Variants in PCDH9 observed in about 807,000 individuals in gnomAD.
PCDH9 encodes the protein protocadherin-9.
In PCDH9, 24 loss-of-function variants were observed where a neutral mutation model predicts 70.6. The observed-to-expected ratio is 0.34, with a 90% CI of 0.25 to 0.48. The LOEUF is 0.48. PCDH9 is among the 20% of genes least tolerant of loss of function. The pLI is 0.99. For missense variants in PCDH9, 1,281 were observed against 1,503.6 expected (o/e 0.85, Z 2.45); for synonymous variants, 562 against 558.5 (o/e 1.01, Z -0.09).
chr13:66,827,746 C>T (rs764891176), intron 3 of PCDH9, among the ~76,000 whole-genome samples: 13 of 152,120 alleles, frequency 8.5e-5, no homozygotes, highest in South Asian at 2.1e-4. Context: ...ATTTTGCCCA[C>T]GATCAACTGT....
intron 4 of PCDH9, among the ~76,000 whole-genome samples, chr13:66,610,072 C>T (rs529327121): frequency 2.2e-4 from 33 of 151,750 alleles, no homozygotes; most frequent in African/African-American, 7.0e-4. Flanking sequence ...ATTCTCCTGC[C>T]TCAGCCTCCT....
In PCDH9 at chr13:66,760,648, A is replaced by G. The variant is rs568295813; in HGVS notation, c.3139-129237T>C. 3.3e-5 allele frequency among the ~76,000 whole-genome samples: 5 copies of G among 152,312 alleles called. No homozygotes were observed. In the East Asian group the frequency reaches 9.6e-4, roughly 29 times the overall value. On this transcript the variant is annotated intron_variant, in intron 3 of 4. Coordinates refer to ENST00000377865, the MANE Select transcript of PCDH9 (RefSeq NM_203487.3). Reference sequence around the variant, plus strand: ...AGGCATCCTAAAAGAACAGGATATCAGCGATTTTCAGGCAACAAAGGAGAT... The same window carrying G: ...AGGCATCCTAAAAGAACAGGATATCGGCGATTTTCAGGCAACAAAGGAGAT...
intron 3 of PCDH9, among the ~76,000 whole-genome samples, chr13:66,645,709 T>C (rs1271340871): frequency 6.6e-6 from 1 of 152,186 alleles, no homozygotes; most frequent in Non-Finnish European, 1.5e-5. Flanking sequence ...TCAACAAACA[T>C]TGTTGATCAC....
At chr13:67,096,122 T>G (rs1234789695) in intron 2 of PCDH9, among the ~76,000 whole-genome samples, 3 of 152,158 alleles carry the variant, frequency 2.0e-5, no homozygotes, top group Non-Finnish European at 4.4e-5. Flanking sequence ...TACCATATTT[T>G]GGGGAAAACA....
intron 3 of PCDH9, among the ~76,000 whole-genome samples, chr13:66,707,109 C>G (rs559716686): frequency 6.6e-6 from 1 of 152,142 alleles, no homozygotes; most frequent in South Asian, 2.1e-4. Context: ...CCTCTTACCC[C>G]CACAAAAAAT....
At chr13:67,200,095 G>A (rs2089172005) in intron 2 of PCDH9, among the ~76,000 whole-genome samples, 1 of 152,032 alleles carries the variant, frequency 6.6e-6, no homozygotes, top group South Asian at 2.1e-4. Context: ...TTTCATCTCT[G>A]CTCTTTCAAT....
At chr13:66,598,444 T>C (rs552056990) in intron 4 of PCDH9, among the ~76,000 whole-genome samples, 2 of 151,878 alleles carry the variant, frequency 1.3e-5, no homozygotes, top group Non-Finnish European at 2.9e-5. Flanking sequence ...CTTAAGAAAT[T>C]AATACATGTT....
intron 3 of PCDH9, among the ~76,000 whole-genome samples, chr13:66,864,282 A>G (rs1404955013): frequency 6.6e-6 from 1 of 152,120 alleles, no homozygotes; most frequent in Admixed American, 6.5e-5. Context: ...GTTGGTCACA[A>G]TGGCAATATT....
At chr13:67,000,971 C>T (rs1168032586) in intron 2 of PCDH9, among the ~76,000 whole-genome samples, 1 of 152,066 alleles carries the variant, frequency 6.6e-6, no homozygotes, top group Non-Finnish European at 1.5e-5. Context: ...GTACTATGGG[C>T]CTGTCAGTTT....
At chr13:66,338,549 A>T (rs540717685) in intron 4 of PCDH9, among the ~76,000 whole-genome samples, 9 of 152,224 alleles carry the variant, frequency 5.9e-5, no homozygotes, top group Middle Eastern at 6.8e-3. Flanking sequence ...GTATTTTAAA[A>T]TAAGAGAATA....
chr13:66,503,167 T>C (rs1451807111), intron 4 of PCDH9, among the ~76,000 whole-genome samples: 1 of 152,224 alleles, frequency 6.6e-6, no homozygotes, highest in African/African-American at 2.4e-5. Context: ...TTACTGTTAA[T>C]TTATCTTCAT....
chr13:66,543,020 A>G (rs1961031497), intron 4 of PCDH9, among the ~76,000 whole-genome samples: 1 of 151,800 alleles, frequency 6.6e-6, no homozygotes, highest in African/African-American at 2.4e-5. Context: ...TAGAAGAAAT[A>G]TACAAATATA....
intron 4 of PCDH9, among the ~76,000 whole-genome samples, chr13:66,490,993 A>C (rs1566366483): frequency 6.6e-6 from 1 of 152,176 alleles, no homozygotes; most frequent in Non-Finnish European, 1.5e-5. Flanking sequence ...TTAAATCCTC[A>C]GTTTATAGAA....
chr13:66,721,060 G>T (rs1475406886), intron 3 of PCDH9, among the ~76,000 whole-genome samples: 1 of 152,116 alleles, frequency 6.6e-6, no homozygotes, highest in Non-Finnish European at 1.5e-5. Context: ...CAAGTGTAAT[G>T]GGTTATAACC....
chr13:66,941,375 C>T (rs1250207652), intron 2 of PCDH9, among the ~76,000 whole-genome samples: 1 of 151,438 alleles, frequency 6.6e-6, no homozygotes, highest in African/African-American at 2.4e-5. Flanking sequence ...AGATAACAAA[C>T]AGCAAGATGA....
intron 2 of PCDH9, among the ~76,000 whole-genome samples, chr13:67,080,794 G>A (rs1407582602): frequency 6.6e-6 from 1 of 152,142 alleles, no homozygotes; most frequent in Non-Finnish European, 1.5e-5. Flanking sequence ...TGCTCAGAGT[G>A]GATAACAGAA....
intron 4 of PCDH9, among the ~76,000 whole-genome samples, chr13:66,361,756 T>C (rs530946151): frequency 6.6e-6 from 1 of 152,308 alleles, no homozygotes; most frequent in East Asian, 1.9e-4. Context: ...GTACAAAGCA[T>C]TGCATTTTTC....
At chr13:66,667,504 C>T (rs1447483268) in intron 3 of PCDH9, among the ~76,000 whole-genome samples, 1 of 152,126 alleles carries the variant, frequency 6.6e-6, no homozygotes, top group African/African-American at 2.4e-5. Context: ...AGCACAGAAA[C>T]CTGCAAGTAC....
chr13:67,085,104 T>G (rs1488310989), intron 2 of PCDH9, among the ~76,000 whole-genome samples: 1 of 146,844 alleles, frequency 6.8e-6, no homozygotes, highest in Admixed American at 6.8e-5. Flanking sequence ...ATACCCTAAC[T>G]GTTAGGGGTC....
Sources: allele counts gnomAD v4.1 joint callset (sites outside exome capture counted in the v4.1 genomes callset), GRCh38; gene constraint gnomAD v4.1.1; transcripts MANE v1.5; gene names NCBI Gene and HGNC (gene_info 2026-07-23, HGNC 2026-07-21).